Variants in ERAP1 observed in about 807,000 individuals in gnomAD.
ERAP1 encodes endoplasmic reticulum aminopeptidase 1, also known as adipocyte-derived leucine aminopeptidase.
Under a neutral mutation model 103.7 loss-of-function variants are expected in ERAP1, and 86 were observed. That is an observed-to-expected ratio of 0.83 (90% CI 0.70 to 0.99). ERAP1 has a LOEUF of 0.99. Among genes scored for constraint, ERAP1 ranks in the 50% least tolerant of loss-of-function variants. The pLI is 0.00. For synonymous variants in ERAP1, 398 were observed against 402.4 expected (o/e 0.99, Z 0.13); for missense variants, 1,009 against 1,128.4 (o/e 0.89, Z 1.52).
the ERAP1 span, among the ~76,000 whole-genome samples, chr5:96,894,637 C>A: frequency 6.6e-6 from 1 of 152,036 alleles, no homozygotes; most frequent in East Asian, 1.9e-4. Context: ...ATTTATGCAT[C>A]CTTTTTATTT....
chr5:96,763,120 C>T (rs1407363867), exon 20 of ERAP1: 15 of 779,054 alleles, frequency 1.9e-5, no homozygotes, highest in East Asian at 7.3e-5. Flanking sequence ...GTAACTTTAG[C>T]GAAGTCAGCT....
intron 1 of ERAP1, among the ~76,000 whole-genome samples, chr5:96,807,052 C>CA (rs1333874698): frequency 6.6e-6 from 1 of 152,050 alleles, no homozygotes; most frequent in African/African-American, 2.4e-5. Flanking sequence ...TAATAGGAAA[C>CA]AGATAATTTC....
intron 1 of ERAP1, among the ~76,000 whole-genome samples, chr5:96,807,278 G>T (rs1342708471): frequency 6.6e-6 from 1 of 152,200 alleles, no homozygotes; most frequent in African/African-American, 2.4e-5. Flanking sequence ...AGAAGAACAG[G>T]AGAAGCAGGG....
At chr5:96,782,028 T>C (rs1333288706) in intron 15 of ERAP1, among the ~76,000 whole-genome samples, 174 bp from the exon 16 acceptor site, 2 of 122,704 alleles carry the variant, frequency 1.6e-5, no homozygotes, top group African/African-American at 3.1e-5. Context: ...TTTTTTTTTT[T>C]AGGACGGAGT....
At chr5:96,933,087 G>T in the ERAP1 span, among the ~76,000 whole-genome samples, 1 of 152,120 alleles carries the variant, frequency 6.6e-6, no homozygotes, top group Non-Finnish European at 1.5e-5. Context: ...AAGGCTCTAT[G>T]AAGTCAAATG....
At chr5:96,909,902 T>A in the ERAP1 span, 14 of 782,616 alleles carry the variant, frequency 1.8e-5, no homozygotes, top group Admixed American at 1.2e-4. Flanking sequence ...CCCTGTTTCA[T>A]GCTCTCACAT....
the ERAP1 span, chr5:96,909,159 T>G: frequency 3.8e-6 from 6 of 1,585,932 alleles, no homozygotes; most frequent in Middle Eastern, 1.7e-4. Context: ...AAATACACAG[T>G]GTCTGGAGTA....
the ERAP1 span, chr5:96,896,758 G>A: frequency 4.5e-6 from 7 of 1,547,304 alleles, no homozygotes. Flanking sequence ...ATATGCTCAA[G>A]GATTTTCTGG....
the ERAP1 span, among the ~76,000 whole-genome samples, chr5:96,899,875 G>A: frequency 6.6e-6 from 1 of 152,198 alleles, no homozygotes; most frequent in Admixed American, 6.5e-5. Context: ...AACGGTTAAT[G>A]ACTTTATTGA....
chr5:96,819,784 A>G, the ERAP1 span, among the ~76,000 whole-genome samples: 5 of 152,214 alleles, frequency 3.3e-5, no homozygotes, highest in African/African-American at 9.6e-5. Flanking sequence ...CACCCTGCAT[A>G]TTCAGCACAG....
At chr5:96,764,857 CAT>C (rs965535430) in intron 19 of ERAP1, among the ~76,000 whole-genome samples, 2 of 152,174 alleles carry the variant, frequency 1.3e-5, no homozygotes, top group African/African-American at 2.4e-5. Flanking sequence ...GAAAGGCACA[CAT>C]GATTGGTTCA....
At chr5:96,763,144 G>A (rs923600416) in exon 20 of ERAP1, 80 of 780,228 alleles carry the variant, frequency 1.0e-4, no homozygotes, top group East Asian at 7.3e-4. Context: ...CTTCCATTCC[G>A]TTTGATGTAG....
chr5:96,809,004 G>A (rs905116666), upstream of ERAP1, among the ~76,000 whole-genome samples: 3 of 152,154 alleles, frequency 2.0e-5, no homozygotes, highest in African/African-American at 7.2e-5. Flanking sequence ...CATTTTTAGG[G>A]TTATTTCTTG....
At chr5:96,906,175 G>A in the ERAP1 span, among the ~76,000 whole-genome samples, 1 of 118,174 alleles carries the variant, frequency 8.5e-6, no homozygotes, top group African/African-American at 3.3e-5. Context: ...ACCACGACAC[G>A]ACACTGTCTC....
Position 96,797,316 on chromosome 5 carries a change from T to G in ERAP1, c.664-7A>C, listed in dbSNP as rs775416141. The G allele has an allele frequency of 3.1e-6, 5 of 1,613,230 alleles. No homozygotes were observed. Among genetic ancestry groups the G allele is most frequent in the Non-Finnish European group, 4.2e-6 (5 of 1,179,692 alleles). ...CAACAGTCACAGATTTCACCTAAAATCAGAATAATTCAAATTATCAAGTAA... is the reference window on the plus strand; with the variant it reads ...CAACAGTCACAGATTTCACCTAAAAGCAGAATAATTCAAATTATCAAGTAA... On this transcript the variant is annotated splice_region_variant and splice_polypyrimidine_tract_variant and intron_variant, in intron 3 of 18. Coordinates refer to ENST00000443439, the MANE Select transcript of ERAP1 (RefSeq NM_001040458.3).
At chr5:96,827,173 CT>C in the ERAP1 span, among the ~76,000 whole-genome samples, 3 of 152,076 alleles carry the variant, frequency 2.0e-5, no homozygotes, top group African/African-American at 7.2e-5. Flanking sequence ...TGCTTTTTTG[CT>C]TGGATTTTAA....
the ERAP1 span, among the ~76,000 whole-genome samples, chr5:96,843,221 G>A: frequency 6.6e-6 from 1 of 152,164 alleles, no homozygotes; most frequent in Non-Finnish European, 1.5e-5. Context: ...ATTTTCTGGG[G>A]TTTAAATACC....
At chr5:96,896,380 AT>A in the ERAP1 span, 2 of 1,609,580 alleles carry the variant, frequency 1.2e-6, no homozygotes, top group Non-Finnish European at 1.7e-6. Flanking sequence ...TAGGATGACT[AT>A]TTTTTGAATG....
the ERAP1 span, chr5:96,879,542 T>C: frequency 1.6e-6 from 1 of 621,782 alleles, no homozygotes; most frequent in South Asian, 2.2e-5. Flanking sequence ...TGTCATGCTA[T>C]AAGTGTGTTT....
Sources: allele counts gnomAD v4.1 joint callset (sites outside exome capture counted in the v4.1 genomes callset), GRCh38; gene constraint gnomAD v4.1.1; transcripts MANE v1.5; gene names NCBI Gene and HGNC (gene_info 2026-07-23, HGNC 2026-07-21).